Variants in INPP4B observed in about 807,000 individuals in gnomAD.
INPP4B encodes inositol polyphosphate-4-phosphatase type II B.
A neutral mutation model predicts 122.5 loss-of-function variants in INPP4B; 55 were observed. The ratio of observed to expected loss-of-function variants is 0.45; its 90% CI spans 0.36 to 0.56. INPP4B has a LOEUF of 0.56. Ranked by LOEUF, INPP4B falls within the 20% of genes least tolerant of loss-of-function variation. The pLI is 0.00. For synonymous variants in INPP4B, 403 were observed against 388.7 expected (o/e 1.04, Z -0.43); for missense variants, 1,000 against 1,097.7 (o/e 0.91, Z 1.26).
chr4:142,028,897 T>G lies in INPP4B; in HGVS notation c.2660A>C (p.Glu887Ala), dbSNP rs1202904565. The G allele has an allele frequency of 1.9e-6, 3 of 1,612,070 alleles. No individual in the cohort carries two copies. In the African/African-American group the frequency reaches 4.0e-5, roughly 22 times the overall value. The change falls in exon 26 of 26, where the codon GAG (glutamate) becomes GCG (alanine). Residue 887 changes from glutamate to alanine, a missense_variant. Transcript: ENST00000262992. ...DCMRREGCRI[E>A]NVLKNIKCRK... Reference sequence around the variant, plus strand: ...GCATTTGATATTCTTCAGTACATTCTCTATGCGGCATCCTTCTCTGGTGAA... The same window carrying G: ...GCATTTGATATTCTTCAGTACATTCGCTATGCGGCATCCTTCTCTGGTGAA...
At chr4:142,575,314 C>T (rs2150175653) in intron 2 of INPP4B, among the ~76,000 whole-genome samples, 1 of 152,030 alleles carries the variant, frequency 6.6e-6, no homozygotes, top group Non-Finnish European at 1.5e-5. Flanking sequence ...AAAATCAAAA[C>T]AAGAGTCATA....
Position 142,431,398 on chromosome 4 carries a change from A to G in INPP4B, c.-126-13T>C. 1 of 643,974 alleles carries G rather than the reference A, an allele frequency of 1.6e-6. No homozygotes were observed. The highest frequency in any genetic ancestry group is 1.9e-5 in the South Asian group (1 of 51,486). The allele number at this position is 643,974 out of a possible 1,614,324, so 39.9% of individuals were successfully genotyped here. On this transcript the variant is annotated splice_polypyrimidine_tract_variant and intron_variant, in intron 3 of 25. Coordinates refer to ENST00000262992, the MANE Select transcript of INPP4B (RefSeq NM_001101669.3). ...TGAAATTCTGTACCTAGGAAACATC[A>G]AAAGTTAAAATTTCAGTCATATTGG... is the stretch of plus-strand genomic sequence containing the variant.
intron 2 of INPP4B, among the ~76,000 whole-genome samples, chr4:142,508,868 A>G (rs550717540): frequency 6.6e-6 from 1 of 152,306 alleles, no homozygotes; most frequent in South Asian, 2.1e-4. Context: ...ACATTTTAAA[A>G]TGCACAGGGC....
At chr4:142,753,997 A>G (rs911727130) in intron 1 of INPP4B, among the ~76,000 whole-genome samples, 1 of 152,046 alleles carries the variant, frequency 6.6e-6, no homozygotes, top group Non-Finnish European at 1.5e-5. Context: ...TTTTAAGAAA[A>G]GCCTAGAAGG....
At chr4:142,543,641 C>T (rs1459486015) in intron 2 of INPP4B, among the ~76,000 whole-genome samples, 1 of 152,070 alleles carries the variant, frequency 6.6e-6, no homozygotes, top group Non-Finnish European at 1.5e-5. Flanking sequence ...TGCTGTTCTT[C>T]ATTGCACAGC....
At chr4:142,651,383 A>G (rs1199665128) in intron 2 of INPP4B, among the ~76,000 whole-genome samples, 1 of 152,194 alleles carries the variant, frequency 6.6e-6, no homozygotes, top group Non-Finnish European at 1.5e-5. Context: ...AGCAGAACTG[A>G]AAGAGATAGA....
At chr4:142,397,826 A>G (rs1799848382) in intron 7 of INPP4B, among the ~76,000 whole-genome samples, 3 of 152,010 alleles carry the variant, frequency 2.0e-5, no homozygotes, top group Admixed American at 1.3e-4. Flanking sequence ...TGACAGAGCG[A>G]GGCTCCGTCT....
rs1232953407 is a variant in INPP4B, at chr4:142,160,544, A to G, written c.1377T>C (p.His459=). 4 of 1,597,494 alleles carry G rather than the reference A, an allele frequency of 2.5e-6. No individual in the cohort carries two copies. The highest frequency in any genetic ancestry group is 3.4e-5 in the Admixed American group (2 of 59,484). The change falls in exon 17 of 26, where the codon CAT becomes CAC. Residue 459 remains histidine (H), a synonymous_variant. Transcript: ENST00000262992. ...MLSEKTELFV[H]AFKDQLVRSA... ...TCCTGACAAGTTGATCCTTGAAGGC[A>G]TGTACAAAAAGCTCTGTCTGGAAAG...
intron 16 of INPP4B, 38 bp downstream of exon 16, chr4:142,173,593 AT>A (rs776931716): frequency 4.5e-5 from 70 of 1,541,868 alleles, no homozygotes; most frequent in Non-Finnish European, 5.7e-5. Flanking sequence ...GAATTTGAGT[AT>A]TTCATTTTCC....
At chr4:142,206,751 G>C (rs1842745743) in intron 14 of INPP4B, among the ~76,000 whole-genome samples, 1 of 151,860 alleles carries the variant, frequency 6.6e-6, no homozygotes, top group Admixed American at 6.6e-5. Context: ...ATCTCCAAAA[G>C]TTTCGTCTTA....
intron 1 of INPP4B, among the ~76,000 whole-genome samples, chr4:142,832,144 T>C (rs1782221478): frequency 6.6e-6 from 1 of 152,146 alleles, no homozygotes; most frequent in East Asian, 1.9e-4. Context: ...TATTTCTGCT[T>C]ATGTGGAATG....
intron 22 of INPP4B, among the ~76,000 whole-genome samples, chr4:142,111,263 G>A (rs1488769552): frequency 6.6e-6 from 1 of 152,050 alleles, no homozygotes; most frequent in Non-Finnish European, 1.5e-5. Flanking sequence ...ATTGTTGCCT[G>A]TGAAGGAACT....
intron 12 of INPP4B, among the ~76,000 whole-genome samples, chr4:142,228,073 C>T (rs993189815): frequency 2.6e-5 from 4 of 151,724 alleles, no homozygotes; most frequent in Non-Finnish European, 5.9e-5. Flanking sequence ...GAAACATGCA[C>T]GTCAAGGTTT....
At chr4:142,197,544 A>G (rs527904056) in intron 14 of INPP4B, among the ~76,000 whole-genome samples, 1 of 152,310 alleles carries the variant, frequency 6.6e-6, no homozygotes, top group Non-Finnish European at 1.5e-5. Flanking sequence ...AAATTGTTAC[A>G]ATTGCTTTAA....
chr4:142,082,837 T>C (rs955645338), intron 24 of INPP4B, among the ~76,000 whole-genome samples: 1 of 152,132 alleles, frequency 6.6e-6, no homozygotes, highest in African/African-American at 2.4e-5. Flanking sequence ...TTTAATAAAC[T>C]TCACAGGGGC....
chr4:142,099,582 ATCT>A (rs1476778206), intron 23 of INPP4B, among the ~76,000 whole-genome samples: 2 of 152,120 alleles, frequency 1.3e-5, no homozygotes, highest in Non-Finnish European at 2.9e-5. Flanking sequence ...AAATCTTTGT[ATCT>A]TCTTATATCT....
chr4:142,489,845 C>A (rs1401930128), intron 2 of INPP4B, among the ~76,000 whole-genome samples: 2 of 152,162 alleles, frequency 1.3e-5, no homozygotes, highest in East Asian at 3.8e-4. Context: ...ATAGTTATGA[C>A]ATCTGATATA....
chr4:142,770,292 T>C (rs1468537425), intron 1 of INPP4B, among the ~76,000 whole-genome samples: 2 of 149,810 alleles, frequency 1.3e-5, no homozygotes, highest in African/African-American at 2.5e-5. Flanking sequence ...CAATGTTCCA[T>C]GTATAATATT....
At chr4:142,395,339 C>T (rs1799010586) in intron 7 of INPP4B, among the ~76,000 whole-genome samples, 1 of 152,196 alleles carries the variant, frequency 6.6e-6, no homozygotes, top group Admixed American at 6.5e-5. Flanking sequence ...AGTTCTGCTT[C>T]TGCTTAAAAT....
Sources: gnomAD v4.1 joint callset for allele counts (sites outside exome capture counted in the v4.1 genomes callset) on GRCh38, gnomAD v4.1.1 for gene constraint, MANE v1.5 for transcripts, NCBI Gene and HGNC (gene_info 2026-07-23, HGNC 2026-07-21) for gene names.